The following NTM variants were observed in gnomAD, a reference collection of about 807,000 sequenced individuals.
NTM encodes the protein neurotrimin.
A neutral mutation model predicts 42.1 loss-of-function variants in NTM; 13 were observed. The ratio of observed to expected loss-of-function variants is 0.31; its 90% CI spans 0.20 to 0.49. The LOEUF is 0.49. Ranked by LOEUF, NTM falls within the 20% of genes least tolerant of loss-of-function variation. The pLI, the probability that NTM is intolerant of heterozygous loss-of-function variation, is 0.99. For missense variants in NTM, 373 were observed against 452.8 expected (o/e 0.82, Z 1.60); for synonymous variants, 187 against 179.2 (o/e 1.04, Z -0.35).
At chr11:131,763,707 C>CTTTTTTTTTTTTT (rs1443279848) in intron 1 of NTM, among the ~76,000 whole-genome samples, 12 of 60,766 alleles carry the variant, frequency 2.0e-4, no homozygotes, top group Admixed American at 4.7e-4. Flanking sequence ...CCATCTCTCT[C>CTTTTTTTTTTTTT]TCTTTTTTTT....
At chr11:131,372,700 A>T (rs113355533) in intron 1 of NTM, among the ~76,000 whole-genome samples, 2 of 152,012 alleles carry the variant, frequency 1.3e-5, no homozygotes, top group Non-Finnish European at 2.9e-5. Flanking sequence ...CAAACTGGAG[A>T]CAATGACCAA....
chr11:132,107,038 T>C (rs905504967), intron 2 of NTM, among the ~76,000 whole-genome samples: 4 of 152,174 alleles, frequency 2.6e-5, no homozygotes, highest in Middle Eastern at 3.2e-3. Flanking sequence ...ATAAAAGGCA[T>C]GTAAAACTCC....
At chr11:131,638,453 C>A (rs1294511160) in intron 1 of NTM, among the ~76,000 whole-genome samples, 1 of 150,814 alleles carries the variant, frequency 6.6e-6, no homozygotes, top group East Asian at 2.0e-4. Context: ...GTAATCCCAG[C>A]TACTGGGGAG....
chr11:131,807,126 G>T (rs764381870), intron 1 of NTM, among the ~76,000 whole-genome samples: 1 of 152,190 alleles, frequency 6.6e-6, no homozygotes, highest in African/African-American at 2.4e-5. Context: ...GAGCACAAAG[G>T]CCCTGCCTCC....
At chr11:132,297,399 G>T (rs2094652659) in intron 4 of NTM, among the ~76,000 whole-genome samples, 1 of 152,134 alleles carries the variant, frequency 6.6e-6, no homozygotes, top group East Asian at 1.9e-4. Flanking sequence ...CAAAGGGAAA[G>T]CCTGGCTTCC....
chr11:131,828,539 A>G (rs144691278), intron 1 of NTM, among the ~76,000 whole-genome samples: 27 of 152,192 alleles, frequency 1.8e-4, no homozygotes, highest in Middle Eastern at 3.4e-3. Context: ...CACCTTCACC[A>G]TTAATTCTGG....
intron 3 of NTM, among the ~76,000 whole-genome samples, chr11:132,190,397 G>A (rs2079108954): frequency 1.3e-5 from 2 of 152,072 alleles, no homozygotes; most frequent in Non-Finnish European, 1.5e-5. Context: ...TTTCAGGAGA[G>A]GAAAGAAACT....
chr11:132,283,794 T>C (rs1223546059), intron 4 of NTM, among the ~76,000 whole-genome samples: 3 of 152,076 alleles, frequency 2.0e-5, no homozygotes, highest in Non-Finnish European at 4.4e-5. Flanking sequence ...TGTGCCCTCC[T>C]GTTCAATGGG....
At chr11:131,567,560 AC>A (rs2057023568) in intron 1 of NTM, among the ~76,000 whole-genome samples, 2 of 152,186 alleles carry the variant, frequency 1.3e-5, no homozygotes, top group Non-Finnish European at 2.9e-5. Flanking sequence ...AGCCTAAAAG[AC>A]GTGTCCTATT....
chr11:131,644,986 G>A (rs756959650), intron 1 of NTM, among the ~76,000 whole-genome samples: 3 of 152,084 alleles, frequency 2.0e-5, no homozygotes, highest in South Asian at 2.1e-4. Flanking sequence ...ATTGCCAAGC[G>A]TGTACTCTGT....
intron 4 of NTM, among the ~76,000 whole-genome samples, chr11:132,264,005 T>C (rs1335704666): frequency 6.6e-6 from 1 of 152,252 alleles, no homozygotes; most frequent in Non-Finnish European, 1.5e-5. Context: ...CCTTTAGTAG[T>C]AGACAGGATT....
At chr11:132,303,956 T>C (rs2094971892) in intron 4 of NTM, among the ~76,000 whole-genome samples, 1 of 152,034 alleles carries the variant, frequency 6.6e-6, no homozygotes. Context: ...CAGATGAAGA[T>C]ATGGTGGTAC....
chr11:131,464,504 G>A (rs1368879569), intron 1 of NTM, among the ~76,000 whole-genome samples: 2 of 152,024 alleles, frequency 1.3e-5, no homozygotes, highest in Non-Finnish European at 1.5e-5. Context: ...TCCCTAACAG[G>A]ATTCCCACCC....
chr11:131,518,106 C>T (rs2049127526), intron 1 of NTM, among the ~76,000 whole-genome samples: 1 of 152,176 alleles, frequency 6.6e-6, no homozygotes, highest in African/African-American at 2.4e-5. Flanking sequence ...TCTTTCATTC[C>T]TTCACTCACC....
chr11:131,857,862 A>G (rs750866329), intron 1 of NTM, among the ~76,000 whole-genome samples: 3 of 152,162 alleles, frequency 2.0e-5, no homozygotes, highest in Non-Finnish European at 2.9e-5. Context: ...TAAACTAGAA[A>G]TCTGATCAAG....
At chr11:131,920,014 T>C (rs2056990995) in intron 2 of NTM, among the ~76,000 whole-genome samples, 1 of 152,172 alleles carries the variant, frequency 6.6e-6, no homozygotes. Context: ...AGAAGAAAGA[T>C]ATTTCTTTGT....
chr11:131,880,709 C>A (rs1418061825), intron 1 of NTM, among the ~76,000 whole-genome samples: 1 of 152,148 alleles, frequency 6.6e-6, no homozygotes, highest in South Asian at 2.1e-4. Flanking sequence ...CATTTGCCTC[C>A]GGCGTTCAAT....
chr11:131,407,505 A>G (rs771142301), intron 1 of NTM, among the ~76,000 whole-genome samples: 1 of 152,194 alleles, frequency 6.6e-6, no homozygotes, highest in Non-Finnish European at 1.5e-5. Flanking sequence ...TGTGGGAAAC[A>G]TTCCTCGGAC....
At chr11:132,320,653 TCGAA>T (rs1198034370) in intron 7 of NTM, among the ~76,000 whole-genome samples, 1 of 152,056 alleles carries the variant, frequency 6.6e-6, no homozygotes, top group Non-Finnish European at 1.5e-5. Flanking sequence ...GCCAGAAAGC[TCGAA>T]CTGGGTGGAG....
Sources: allele counts gnomAD v4.1 joint callset (sites outside exome capture counted in the v4.1 genomes callset), GRCh38; gene constraint gnomAD v4.1.1; transcripts MANE v1.5; gene names NCBI Gene and HGNC (gene_info 2026-07-23, HGNC 2026-07-21).